The following AP3B1 variants were observed in gnomAD, a reference collection of about 807,000 sequenced individuals.
AP3B1 encodes the protein adaptor related protein complex 3 subunit beta 1, also known as AP-3 complex subunit beta-1.
AP3B1 carries 61 observed loss-of-function variants against 132.5 expected under a neutral mutation model. That is an observed-to-expected ratio of 0.46 (90% confidence interval 0.37 to 0.57). The LOEUF (loss-of-function observed/expected upper bound fraction) is 0.57. Ranked by LOEUF, AP3B1 falls within the 20% of genes least tolerant of loss-of-function variation. The pLI is 0.00. For synonymous variants in AP3B1, 388 were observed against 438.3 expected (o/e 0.89, Z 1.43); for missense variants, 1,120 against 1,289.4 (o/e 0.87, Z 2.01).
intron 6 of AP3B1, among the ~76,000 whole-genome samples, chr5:78,224,669 T>A (rs1746330503): frequency 6.6e-6 from 1 of 151,832 alleles, no homozygotes; most frequent in Admixed American, 6.6e-5. Flanking sequence ...AAAAGATATA[T>A]AATGGAAACA....
chr5:78,179,205 A>T (rs971232970), intron 8 of AP3B1, among the ~76,000 whole-genome samples: 1 of 152,226 alleles, frequency 6.6e-6, no homozygotes, highest in Middle Eastern at 3.2e-3. Flanking sequence ...AAGTATTAGT[A>T]AATGATAGAA....
At chr5:78,017,873 A>G (rs1746921371) in intron 25 of AP3B1, among the ~76,000 whole-genome samples, 1 of 152,074 alleles carries the variant, frequency 6.6e-6, no homozygotes, top group African/African-American at 2.4e-5. Flanking sequence ...TGGTGAAGGC[A>G]GTAGATAGCA....
chr5:78,190,876 C>T (rs1322931999), intron 7 of AP3B1, among the ~76,000 whole-genome samples: 1 of 152,042 alleles, frequency 6.6e-6, no homozygotes, highest in African/African-American at 2.4e-5. Flanking sequence ...TCCCTAGATG[C>T]CAAATATGAA....
In AP3B1 at chr5:78,235,963, G is replaced by A. The variant is rs1190919411; in HGVS notation, c.279+4899C>T. On this transcript the variant is annotated intron_variant, in intron 3 of 26. Transcript: ENST00000255194. The stretch of plus-strand genomic sequence containing the variant: ...ATGAAATTTTGCACTTGAGAGGAGT[G>A]AAACATTCAATTTCTGAACATAAGT... Among the ~76,000 whole-genome samples, 3 of 152,074 alleles carry A rather than the reference G, an allele frequency of 2.0e-5. No homozygotes were observed. The East Asian group carries it at 5.8e-4, about 29-fold the overall frequency.
chr5:78,283,087 T>C lies in AP3B1; in HGVS notation c.128+11365A>G, dbSNP rs187972280. The stretch of plus-strand genomic sequence containing the variant: ...GTAATCATAATTACTATGTTTATTA[T>C]GTACCAGGCACTATTTACATATGTT... On this transcript the variant is annotated intron_variant, in intron 1 of 26. Coordinates refer to ENST00000255194, the MANE Select transcript of AP3B1 (RefSeq NM_003664.5). Among the ~76,000 whole-genome samples, 31 of 152,356 alleles carry C rather than the reference T, an allele frequency of 2.0e-4. No homozygotes were observed. In the East Asian group the frequency reaches 5.8e-3, roughly 28 times the overall value.
intron 22 of AP3B1, among the ~76,000 whole-genome samples, chr5:78,080,305 A>G (rs984777012): frequency 3.3e-5 from 5 of 152,160 alleles, no homozygotes; most frequent in African/African-American, 1.2e-4. Flanking sequence ...CACTGTGCCC[A>G]GCCTGTGATG....
At chr5:78,193,768 A>ATTTTTTTTTTT (rs748328573) in intron 7 of AP3B1, among the ~76,000 whole-genome samples, 2 of 66,688 alleles carry the variant, frequency 3.0e-5, no homozygotes, top group African/African-American at 1.2e-4. Flanking sequence ...ATATATATAT[A>ATTTTTTTTTTT]TATTTTTTTT....
intron 7 of AP3B1, among the ~76,000 whole-genome samples, chr5:78,184,091 C>A (rs187897614): frequency 3.6e-4 from 55 of 151,480 alleles, no homozygotes; most frequent in Non-Finnish European, 6.5e-4. Flanking sequence ...TCACTTGAAC[C>A]CTGGGAGGCG....
chr5:78,223,027 C>CTCTTTTTTTTTTTTTTTTTTT (rs66493022), intron 6 of AP3B1, among the ~76,000 whole-genome samples: 26 of 127,794 alleles, frequency 2.0e-4, no homozygotes, highest in South Asian at 2.5e-4. Context: ...TTGTTTGTTT[C>CTCTTTTTTTTTTTTTTTTTTT]TTTTTTTTTT....
chr5:78,011,534 TAAAAGTGTTAACGAAATA>T (rs1279030882), intron 26 of AP3B1, among the ~76,000 whole-genome samples: 1 of 152,216 alleles, frequency 6.6e-6, no homozygotes, highest in East Asian at 1.9e-4. Context: ...AATTGATCTT[TAAAAGTGTTAACGAAATA>T]AAAAATGTCT....
At chr5:78,245,353 C>T (rs780894895) in intron 2 of AP3B1, among the ~76,000 whole-genome samples, 7 of 152,322 alleles carry the variant, frequency 4.6e-5, no homozygotes, top group Non-Finnish European at 1.0e-4. Context: ...GCGGGCTTAA[C>T]TAGGAGCCTG....
chr5:78,211,872 C>A (rs1161933238), intron 7 of AP3B1, among the ~76,000 whole-genome samples: 1 of 152,168 alleles, frequency 6.6e-6, no homozygotes, highest in African/African-American at 2.4e-5. Context: ...TCTGCTCCAC[C>A]TTTTATAATT....
chr5:78,232,673 T>C (rs183095247), intron 3 of AP3B1, among the ~76,000 whole-genome samples: 1 of 152,364 alleles, frequency 6.6e-6, no homozygotes, highest in East Asian at 1.9e-4. Flanking sequence ...ACTAGTTCAC[T>C]GAAGCCTCAT....
chr5:78,047,925 T>A (rs1452995725), intron 22 of AP3B1, among the ~76,000 whole-genome samples: 1 of 152,174 alleles, frequency 6.6e-6, no homozygotes, highest in Non-Finnish European at 1.5e-5. Flanking sequence ...TTAAAAAAAA[T>A]AATTTAACAA....
In AP3B1 at chr5:78,228,253, AT is replaced by A. The variant is rs763910648; in HGVS notation, c.280-15del. On this transcript the variant is annotated splice_polypyrimidine_tract_variant and intron_variant, in intron 3 of 26. Transcript: ENST00000255194. Reference sequence around the variant, plus strand: ...CAACTTCTTGATCTGTTAAAAAAAAATCATTTATTCATAACCAGAGTGAAAA... The same window carrying A: ...CAACTTCTTGATCTGTTAAAAAAAAACATTTATTCATAACCAGAGTGAAAA... The A allele has an allele frequency of 1.3e-6, 2 of 1,590,192 alleles. No individual in the cohort carries two copies. Among genetic ancestry groups the A allele is most frequent in the Admixed American group, 1.7e-5 (1 of 59,656 alleles).
rs1195930437 is a variant in AP3B1, at chr5:78,212,784, CAT to C, written c.786+3269_786+3270del. On this transcript the variant is annotated intron_variant, in intron 7 of 26. Transcript: ENST00000255194. ...ACATGGTGTTCCTTTTACAACATCA[CAT>C]AAGAAAGAGCAAGCAAATATAAATG... Among the ~76,000 whole-genome samples, 3 of 152,342 alleles carry C rather than the reference CAT, an allele frequency of 2.0e-5. No homozygotes were observed. In the South Asian group the frequency reaches 6.2e-4, roughly 32 times the overall value.
At chr5:78,287,506 A>G (rs1432009082) in intron 1 of AP3B1, among the ~76,000 whole-genome samples, 1 of 152,200 alleles carries the variant, frequency 6.6e-6, no homozygotes, top group East Asian at 1.9e-4. Context: ...CAAGAATTAA[A>G]TCATAAATGG....
chr5:78,131,088 A>G (rs1400157535), intron 15 of AP3B1, among the ~76,000 whole-genome samples: 1 of 151,928 alleles, frequency 6.6e-6, no homozygotes, highest in Non-Finnish European at 1.5e-5. Context: ...CAAAAATAAC[A>G]TTCTTTCTAA....
chr5:78,261,842 C>G (rs987068551), intron 2 of AP3B1, among the ~76,000 whole-genome samples: 1 of 149,466 alleles, frequency 6.7e-6, no homozygotes, highest in African/African-American at 2.5e-5. Flanking sequence ...ACCTCTGCCT[C>G]CTGGGTTCAA....
Sources: gnomAD v4.1 joint callset for allele counts (sites outside exome capture counted in the v4.1 genomes callset) on GRCh38, gnomAD v4.1.1 for gene constraint, MANE v1.5 for transcripts, NCBI Gene and HGNC (gene_info 2026-07-23, HGNC 2026-07-21) for gene names.